STS: variants seen among roughly 807,000 people sequenced by gnomAD.
STS encodes the protein steroid sulfatase.
Under a neutral mutation model 26.8 loss-of-function variants are expected in STS, and 7 were observed. That is an observed-to-expected ratio of 0.26 (90% CI 0.15 to 0.49). The LOEUF is 0.49. STS is among the 20% of genes least tolerant of loss of function. The pLI is 0.98. For missense variants in STS, 434 were observed against 465.6 expected (o/e 0.93, Z 0.63); for synonymous variants, 199 against 189.4 (o/e 1.05, Z -0.42).
chrX:7,185,610 C>T (rs1009961469), intron 1 of STS, among the ~76,000 whole-genome samples: 7 of 111,915 alleles, frequency 6.3e-5, no homozygotes, highest in African/African-American at 2.3e-4. Context: ...ATTCCTTGGC[C>T]ATAAGTTTAT....
rs759028213 is a variant in STS, at chrX:7,351,794, G to C, written c.*1533G>C. 9.1e-6 allele frequency: 1 copy of C among 110,494 alleles called. No individual in the cohort carries two copies. Among genetic ancestry groups the C allele is most frequent in the Non-Finnish European group, 1.9e-5 (1 of 52,930 alleles). The allele number at this position is 110,494 out of a possible 1,213,427, so 9.1% of individuals were successfully genotyped here. A position where few individuals can be genotyped will look rare whatever the true frequency, so the allele number is the denominator to read the frequency against. ...CATGACTTGGGCTTTCTGAAAGTTG[G>C]CTATAATTTCTCTATCCCTACCCAC... is the stretch of plus-strand genomic sequence containing the variant. On this transcript the variant is annotated 3_prime_UTR_variant, in exon 11 of 11. Transcript: ENST00000674429.
intron 10 of STS, among the ~76,000 whole-genome samples, chrX:7,334,360 A>G (rs1927911647): frequency 9.0e-6 from 1 of 111,189 alleles, no homozygotes; most frequent in South Asian, 3.9e-4. Context: ...CAGCTTCTCT[A>G]TCCCAGCAGA....
chrX:7,189,328 C>T (rs182700999), intron 1 of STS, among the ~76,000 whole-genome samples: 1 of 110,964 alleles, frequency 9.0e-6, no homozygotes, highest in Non-Finnish European at 1.9e-5. Flanking sequence ...CTTTTGAGAC[C>T]CATTTTCTAT....
At chrX:7,205,518 G>A (rs1287072734) in intron 2 of STS, among the ~76,000 whole-genome samples, 1 of 111,854 alleles carries the variant, frequency 8.9e-6, no homozygotes, top group Non-Finnish European at 1.9e-5. Flanking sequence ...CTTTATTCAG[G>A]GGCCAATGCA....
chrX:7,302,776 G>A (rs1490695110), intron 7 of STS, among the ~76,000 whole-genome samples: 5 of 111,503 alleles, frequency 4.5e-5, no homozygotes, highest in East Asian at 2.8e-4. Flanking sequence ...AACCTGGAGC[G>A]AAGGGTCTGG....
chrX:7,221,320 G>T (rs1314363566), intron 2 of STS, among the ~76,000 whole-genome samples: 1 of 112,297 alleles, frequency 8.9e-6, no homozygotes, highest in African/African-American at 3.2e-5. Flanking sequence ...TATTCTGATA[G>T]TCGATTCATA....
intron 6 of STS, among the ~76,000 whole-genome samples, chrX:7,268,614 G>T (rs1453065399): frequency 8.9e-6 from 1 of 112,233 alleles, no homozygotes; most frequent in Non-Finnish European, 1.9e-5. Flanking sequence ...TTCAAAAATG[G>T]AAAAAGTAAA....
intron 2 of STS, among the ~76,000 whole-genome samples, chrX:7,226,935 T>G (rs1921834289): frequency 8.9e-6 from 1 of 111,966 alleles, no homozygotes. Context: ...GCATCTTCAC[T>G]AGCATTTGAT....
chrX:7,253,161 C>A, intron 2 of STS, 35 bp from the exon 3 acceptor site: 1 of 1,207,352 alleles, frequency 8.3e-7, no homozygotes, highest in Non-Finnish European at 1.1e-6. Flanking sequence ...AAGCTGACAT[C>A]CTTCAGTTCC....
At chrX:7,211,407 T>C (rs1921026540) in intron 2 of STS, among the ~76,000 whole-genome samples, 1 of 111,486 alleles carries the variant, frequency 9.0e-6, no homozygotes, top group Non-Finnish European at 1.9e-5. Flanking sequence ...GGGACTGAGG[T>C]CCCCATTTTC....
intron 2 of STS, among the ~76,000 whole-genome samples, chrX:7,240,553 A>ATATAT (rs1922567305): frequency 1.1e-5 from 1 of 92,036 alleles, no homozygotes; most frequent in Non-Finnish European, 2.1e-5. Flanking sequence ...ATATATATAT[A>ATATAT]AAATGGATCC....
rs868783357 is a variant in STS at position 7,205,037 on chromosome X, T to G, written c.-5+14029T>G. Among the ~76,000 whole-genome samples the G allele has an allele frequency of 7.1e-5, 8 of 111,988 alleles. No individual in the cohort carries two copies. In the South Asian group the frequency reaches 2.9e-3, roughly 41 times the overall value. On this transcript the variant is annotated intron_variant, in intron 2 of 10. Transcript: ENST00000674429. ...TAGGCCAGGTGCTTCTGTTGCCTGT[T>G]GTTGTACACACACTGGTGGGCTTGG...
In STS at chrX:7,257,293, C is replaced by T. The variant is rs369635100; in HGVS notation, c.189C>T (p.His63=). ...GTGGGGGAGTGAAACTCACTCAGCA[C>T]CTGGCAGCATCACCGCTGTGCACAC... ...LASGGVKLTQ[H]LAASPLCTPS... The change falls in exon 4 of 11, where the codon CAC becomes CAT. Residue 63 remains histidine (H), a synonymous_variant. Transcript: ENST00000674429. The T allele has an allele frequency of 8.3e-7, 1 of 1,210,515 alleles. No individual in the cohort carries two copies. The highest frequency in any genetic ancestry group is 1.7e-5 in the African/African-American group (1 of 57,517).
intron 6 of STS, among the ~76,000 whole-genome samples, chrX:7,260,583 A>AT (rs1201169598): frequency 3.6e-5 from 4 of 110,118 alleles, no homozygotes; most frequent in Non-Finnish European, 7.6e-5. Flanking sequence ...TTTTTTTTCT[A>AT]TTTTTAGTAG....
At chrX:7,215,265 T>A (rs1921262963) in intron 2 of STS, among the ~76,000 whole-genome samples, 3 of 107,420 alleles carry the variant, frequency 2.8e-5, no homozygotes, top group Admixed American at 2.1e-4. Context: ...GCAAGTATCT[T>A]TTTTGTATAA....
intron 2 of STS, among the ~76,000 whole-genome samples, chrX:7,252,750 G>A (rs1242515954): frequency 8.9e-6 from 1 of 111,866 alleles, no homozygotes; most frequent in Non-Finnish European, 1.9e-5. Flanking sequence ...AGACATGGAC[G>A]ATGGATGAAT....
chrX:7,159,245 A>G (rs1310673995), intron 1 of STS, among the ~76,000 whole-genome samples: 1 of 111,398 alleles, frequency 9.0e-6, no homozygotes, highest in Non-Finnish European at 1.9e-5. Context: ...GTGTGTGGTC[A>G]GAAGACTGCC....
intron 2 of STS, among the ~76,000 whole-genome samples, chrX:7,243,998 G>A (rs1302563201): frequency 2.7e-5 from 3 of 111,049 alleles, no homozygotes; most frequent in Non-Finnish European, 5.7e-5. Flanking sequence ...GAACCCGGGC[G>A]GCAGAGGTTG....
At chrX:7,340,500 G>A (rs1928234624) in intron 10 of STS, among the ~76,000 whole-genome samples, 1 of 111,980 alleles carries the variant, frequency 8.9e-6, no homozygotes, top group Non-Finnish European at 1.9e-5. Flanking sequence ...ATCTCTTTTT[G>A]TGATCATTAT....
Sources: gnomAD v4.1 joint callset for allele counts (sites outside exome capture counted in the v4.1 genomes callset) on GRCh38, gnomAD v4.1.1 for gene constraint, MANE v1.5 for transcripts, NCBI Gene and HGNC (gene_info 2026-07-23, HGNC 2026-07-21) for gene names.